DNAH6: variants seen among roughly 807,000 people sequenced by gnomAD.
DNAH6 encodes the protein axonemal beta dynein heavy chain 6.
A neutral mutation model predicts 491.4 loss-of-function variants in DNAH6; 340 were observed. That is an observed-to-expected ratio of 0.69 (90% CI 0.63 to 0.76). DNAH6 has a LOEUF of 0.76. Among genes scored for constraint, DNAH6 ranks in the 30% least tolerant of loss-of-function variants. DNAH6 has a pLI of 0.00. For missense variants in DNAH6, 4,443 were observed against 4,972.2 expected (o/e 0.89, Z 3.20); for synonymous variants, 1,603 against 1,686.1 (o/e 0.95, Z 1.21).
intron 70 of DNAH6, among the ~76,000 whole-genome samples, chr2:84,799,634 CTT>C (rs934204531): frequency 3.9e-5 from 6 of 152,254 alleles, no homozygotes; most frequent in African/African-American, 1.4e-4. Context: ...CTCACTCTAA[CTT>C]TGGCAAGCAC....
Position 84,699,751 on chromosome 2 carries a change from G to C in DNAH6, c.7818+17G>C. ...TTTGTGCAGGTTGGTGACATCCCAG[G>C]ATATCTCTTTGAGAAGTTGGACTTG... On this transcript the variant is annotated intron_variant, in intron 48 of 76. Coordinates refer to ENST00000389394, the MANE Select transcript of DNAH6 (RefSeq NM_001370.2). 1 of 1,548,038 alleles carries C rather than the reference G, an allele frequency of 6.5e-7. No individual in the cohort carries two copies.
At chr2:84,507,103 A>T in the DNAH6 span, among the ~76,000 whole-genome samples, 2 of 152,186 alleles carry the variant, frequency 1.3e-5, no homozygotes, top group Admixed American at 6.5e-5. Context: ...TTCTGTGAAG[A>T]AAGTCATTGG....
At chr2:84,787,465 A>G (rs995594416) in intron 68 of DNAH6, among the ~76,000 whole-genome samples, 163 bp downstream of exon 68, 4 of 152,196 alleles carry the variant, frequency 2.6e-5, no homozygotes, top group Admixed American at 1.3e-4. Flanking sequence ...ACAAAAATAT[A>G]TAAGGACATC....
chr2:84,819,200 A>C, intron 76 of DNAH6, 105 bp from the exon 77 acceptor site: 1 of 709,324 alleles, frequency 1.4e-6, no homozygotes, highest in Non-Finnish European at 2.3e-6. Context: ...TTTAGGGGCA[A>C]GTCAGGCCTG....
chr2:84,685,222 A>G (rs181970036), intron 42 of DNAH6, 104 bp from the exon 43 acceptor site: 2 of 800,528 alleles, frequency 2.5e-6, no homozygotes, highest in African/African-American at 1.7e-5. Flanking sequence ...ATTTTTGGCA[A>G]TATGAGGGTA....
At chr2:84,791,566 TG>T (rs888747467) in intron 68 of DNAH6, among the ~76,000 whole-genome samples, 21 of 151,846 alleles carry the variant, frequency 1.4e-4, no homozygotes, top group African/African-American at 4.8e-4. Flanking sequence ...AGATTTCTTT[TG>T]GGGGGAAATG....
At chr2:84,467,877 A>G in the DNAH6 span, among the ~76,000 whole-genome samples, 123,071 of 152,216 alleles carry the variant, frequency 0.81, 52,615 homozygotes, top group Non-Finnish European at 0.93. Context: ...AAATTGAACA[A>G]TTTTTAAAAG....
intron 3 of DNAH6, among the ~76,000 whole-genome samples, chr2:84,526,210 T>C (rs541180589): frequency 4.6e-5 from 7 of 151,920 alleles, no homozygotes; most frequent in Admixed American, 4.6e-4. Flanking sequence ...TTTAAATGAA[T>C]ATCTCTAGAT....
intron 12 of DNAH6, among the ~76,000 whole-genome samples, chr2:84,576,659 T>C (rs1282288743): frequency 6.6e-6 from 1 of 152,128 alleles, no homozygotes; most frequent in African/African-American, 2.4e-5. Flanking sequence ...TATTCAAGGA[T>C]AATGAGGTTT....
the DNAH6 span, among the ~76,000 whole-genome samples, chr2:84,463,004 G>T: frequency 6.6e-6 from 1 of 152,154 alleles, no homozygotes; most frequent in Admixed American, 6.5e-5. Flanking sequence ...GGAGGAGGAA[G>T]GCAGGAAGAG....
At chr2:84,499,854 A>G in the DNAH6 span, among the ~76,000 whole-genome samples, 2 of 150,168 alleles carry the variant, frequency 1.3e-5, no homozygotes, top group African/African-American at 2.4e-5. Flanking sequence ...TGTCTATTCA[A>G]ACCTTTTGCC....
chr2:84,784,180 G>A (rs1281029273), intron 65 of DNAH6, among the ~76,000 whole-genome samples: 1 of 152,102 alleles, frequency 6.6e-6, no homozygotes, highest in Non-Finnish European at 1.5e-5. Flanking sequence ...TCTTTCTTGG[G>A]TCCTCTGTCC....
At chr2:84,555,486 C>G (rs1472247822) in intron 10 of DNAH6, among the ~76,000 whole-genome samples, 1 of 152,100 alleles carries the variant, frequency 6.6e-6, no homozygotes, top group African/African-American at 2.4e-5. Context: ...CTTAAGGGCT[C>G]TCTCCTCTTC....
At chr2:84,740,382 A>C (rs1194006009) in intron 62 of DNAH6, among the ~76,000 whole-genome samples, 1 of 152,180 alleles carries the variant, frequency 6.6e-6, no homozygotes, top group Non-Finnish European at 1.5e-5. Flanking sequence ...GAGAAGCTTG[A>C]GACACAGACT....
chr2:84,645,502 G>GAA, intron 33 of DNAH6, among the ~76,000 whole-genome samples: 1 of 152,188 alleles, frequency 6.6e-6, no homozygotes. Context: ...TTTCTCTATT[G>GAA]ATCAGTAATG....
At position 84,712,232 on chromosome 2, in the gene DNAH6, A is replaced by T. The variant is rs188608070; in HGVS notation, c.9379-863A>T. Among the ~76,000 whole-genome samples the T allele has an allele frequency of 5.3e-5, 8 of 152,338 alleles. No homozygotes were observed. The East Asian group carries it at 1.5e-3, about 29-fold the overall frequency. On this transcript the variant is annotated intron_variant, in intron 56 of 76. Transcript: ENST00000389394. ...TTTCAAATGAAATAAAATTTTTTAA[A>T]CTCAAAATTATATTGAATAAAGGTA...
intron 28 of DNAH6, 31 bp from the exon 29 acceptor site, chr2:84,624,871 C>T (rs1026339208): frequency 1.3e-6 from 2 of 1,519,832 alleles, no homozygotes; most frequent in Admixed American, 2.2e-5. Flanking sequence ...AGTTGGTTCC[C>T]TTCATATTGA....
At chr2:84,720,524 C>T (rs564720349) in intron 59 of DNAH6, among the ~76,000 whole-genome samples, 9 of 151,746 alleles carry the variant, frequency 5.9e-5, no homozygotes, top group African/African-American at 2.4e-5. Context: ...GTGATCCGCC[C>T]GCCTCGGCCT....
In DNAH6 at chr2:84,703,548, G is replaced by C. The variant is rs1019082396; in HGVS notation, c.8215G>C (p.Glu2739Gln). 6.4e-7 allele frequency: 1 copy of C among 1,550,924 alleles called. No homozygotes were observed. The highest frequency in any genetic ancestry group is 8.7e-7 in the Non-Finnish European group (1 of 1,146,568). The part of the protein sequence containing the change: ...ALMEKLAVDQ[E>Q]SADQVRNTVQ... ...GATGGAAAAATTGGCAGTGGATCAAGAAAGTGCCGATCAGGTATGCTGCAG... is the reference window on the plus strand; with the variant it reads ...GATGGAAAAATTGGCAGTGGATCAACAAAGTGCCGATCAGGTATGCTGCAG... Residue 2739 changes from glutamate to glutamine, a missense_variant, in exon 50 of 77, where the codon GAA (glutamate) becomes CAA (glutamine). By Grantham distance (29) the Glu-to-Gln change is conservative (BLOSUM62 2). This residue lies in a region of DNAH6 where 2,977 missense variants were observed against 3,296.6 expected (regional missense o/e 0.90). Transcript: ENST00000389394.
Sources: gnomAD v4.1 joint callset for allele counts (sites outside exome capture counted in the v4.1 genomes callset) on GRCh38, gnomAD v4.1.1 for gene constraint, gnomAD v4.1.1 regional missense constraint, MANE v1.5 for transcripts, NCBI Gene and HGNC (gene_info 2026-07-23, HGNC 2026-07-21) for gene names.